Variants in C12orf54 observed in about 807,000 individuals in gnomAD.
The protein encoded by C12orf54 is uncharacterized protein C12orf54.
C12orf54 carries 24 observed loss-of-function variants against 26.4 expected under a neutral mutation model. The ratio of observed to expected loss-of-function variants is 0.91; its 90% CI spans 0.66 to 1.28. C12orf54 has a LOEUF of 1.28. Among genes scored for constraint, C12orf54 ranks in the 50% most tolerant of loss-of-function variants. The pLI is 0.00. For missense variants in C12orf54, 154 were observed against 150.9 expected (o/e 1.02, Z -0.11); for synonymous variants, 54 against 47.0 (o/e 1.15, Z -0.61).
chr12:48,432,715 C>T, the C12orf54 span, among the ~76,000 whole-genome samples: 1 of 151,922 alleles, frequency 6.6e-6, no homozygotes, highest in African/African-American at 2.4e-5. Flanking sequence ...ACTAAAAGTA[C>T]AAAATTAGCC....
the C12orf54 span, chr12:48,472,536 T>G: frequency 0.12 from 124,874 of 1,068,950 alleles, 15,837 homozygotes; most frequent in East Asian, 0.63. Flanking sequence ...TTGGGTGTGT[T>G]TGGAATTAAG....
intron 2 of C12orf54, among the ~76,000 whole-genome samples, chr12:48,484,975 G>T (rs1592199297): frequency 6.6e-6 from 1 of 152,220 alleles, no homozygotes; most frequent in East Asian, 1.9e-4. Flanking sequence ...GCAGAATTGT[G>T]TGCCTGAGCC....
the C12orf54 span, among the ~76,000 whole-genome samples, chr12:48,421,891 G>C: frequency 6.6e-6 from 1 of 152,108 alleles, no homozygotes; most frequent in East Asian, 1.9e-4. Context: ...TGAAACCACT[G>C]TATGAACACT....
At chr12:48,476,851 A>G in the C12orf54 span, among the ~76,000 whole-genome samples, 1 of 152,228 alleles carries the variant, frequency 6.6e-6, no homozygotes, top group African/African-American at 2.4e-5. Context: ...ACAGAAAGTT[A>G]ACAAGGATAT....
At chr12:48,484,786 A>ATATT (rs1401696639) in intron 2 of C12orf54, among the ~76,000 whole-genome samples, 1 of 152,226 alleles carries the variant, frequency 6.6e-6, no homozygotes, top group African/African-American at 2.4e-5. Flanking sequence ...GATATCCTAA[A>ATATT]TACTCTTGAT....
the C12orf54 span, among the ~76,000 whole-genome samples, chr12:48,475,435 T>C: frequency 6.6e-6 from 1 of 151,834 alleles, no homozygotes; most frequent in Non-Finnish European, 1.5e-5. Flanking sequence ...CTTCAGAAGA[T>C]CAAACTACTC....
chr12:48,428,744 A>G, the C12orf54 span, among the ~76,000 whole-genome samples: 1 of 152,164 alleles, frequency 6.6e-6, no homozygotes, highest in African/African-American at 2.4e-5. Context: ...AGACATAAAG[A>G]AGAATTGGTA....
At chr12:48,429,571 G>A in the C12orf54 span, among the ~76,000 whole-genome samples, 3 of 149,022 alleles carry the variant, frequency 2.0e-5, no homozygotes, top group African/African-American at 2.5e-5. Flanking sequence ...TTTTACAATA[G>A]CTGCAAAAAA....
chr12:48,491,460 G>A (rs899710113), intron 6 of C12orf54, among the ~76,000 whole-genome samples: 1 of 152,172 alleles, frequency 6.6e-6, no homozygotes, highest in South Asian at 2.1e-4. Context: ...GGTGACATAG[G>A]CATTCAGTCT....
rs138800408 is a variant in C12orf54, at chr12:48,490,746, A to G, written c.169-66A>G. 1,752 of 1,572,340 alleles carry G rather than the reference A, an allele frequency of 1.1e-3. 20 individuals are homozygous for G. The African/African-American group carries it at 0.021, about 19-fold the overall frequency. On this transcript the variant is annotated intron_variant, in intron 5 of 8. Coordinates refer to ENST00000548364, the MANE Select transcript of C12orf54 (RefSeq NM_152319.4). Reference sequence around the variant, plus strand: ...CCTGCATTTGACCAAGTCTATAGCTAATACAGTGCAGGTCTGCAGGAGACC... The same window carrying G: ...CCTGCATTTGACCAAGTCTATAGCTGATACAGTGCAGGTCTGCAGGAGACC...
the C12orf54 span, among the ~76,000 whole-genome samples, chr12:48,450,533 C>T: frequency 2.0e-5 from 3 of 152,004 alleles, no homozygotes; most frequent in Non-Finnish European, 4.4e-5. Context: ...TTCAAAAGAT[C>T]AATGAATCCA....
chr12:48,490,720 C>G, intron 5 of C12orf54, 92 bp from the exon 6 acceptor site: 8 of 1,429,320 alleles, frequency 5.6e-6, no homozygotes, highest in Non-Finnish European at 7.8e-6. Flanking sequence ...AAACAGACAT[C>G]CCTGCATTTG....
the C12orf54 span, chr12:48,473,660 T>G: frequency 3.9e-6 from 1 of 258,526 alleles, no homozygotes; most frequent in Non-Finnish European, 7.6e-6. Context: ...GTCCAGTTTT[T>G]GTCCCTGTAA....
At chr12:48,477,271 C>T in the C12orf54 span, among the ~76,000 whole-genome samples, 1 of 152,154 alleles carries the variant, frequency 6.6e-6, no homozygotes, top group Non-Finnish European at 1.5e-5. Flanking sequence ...ATTTATAGCA[C>T]TAAATGCCCA....
chr12:48,484,081 T>C (rs1954230272), intron 2 of C12orf54, among the ~76,000 whole-genome samples: 1 of 152,006 alleles, frequency 6.6e-6, no homozygotes, highest in African/African-American at 2.4e-5. Flanking sequence ...TGTAATCCCA[T>C]CTATTTGGGA....
At chr12:48,446,564 C>T in the C12orf54 span, among the ~76,000 whole-genome samples, 505 of 152,220 alleles carry the variant, frequency 3.3e-3, 1 homozygote, top group African/African-American at 0.011. Context: ...CAGCTGGGCC[C>T]ATCCTGATTA....
chr12:48,472,280 T>A, the C12orf54 span, among the ~76,000 whole-genome samples: 161 of 152,332 alleles, frequency 1.1e-3, no homozygotes, highest in African/African-American at 3.8e-3. Context: ...AAAATGAGCA[T>A]TCTGGCTGCT....
At chr12:48,431,866 A>G in the C12orf54 span, among the ~76,000 whole-genome samples, 2,914 of 152,280 alleles carry the variant, frequency 0.019, 91 homozygotes, top group African/African-American at 0.066. Flanking sequence ...TTTGGGGATG[A>G]CAAAATGTCC....
At chr12:48,486,799 C>T (rs1297011101) in intron 4 of C12orf54, 73 bp downstream of exon 4, 44 of 1,421,680 alleles carry the variant, frequency 3.1e-5, no homozygotes, top group Non-Finnish European at 4.1e-5. Context: ...GGAAGGAGCA[C>T]ATTTCTTTCT....
Sources: allele counts gnomAD v4.1 joint callset (sites outside exome capture counted in the v4.1 genomes callset), GRCh38; gene constraint gnomAD v4.1.1; transcripts MANE v1.5; gene names NCBI Gene and HGNC (gene_info 2026-07-23, HGNC 2026-07-21).